The following CENPW variants were observed in gnomAD, a reference collection of about 807,000 sequenced individuals.
The protein encoded by CENPW is cancer-up-regulated gene 2 protein.
In CENPW, 3 loss-of-function variants were observed where a neutral mutation model predicts 11.1. That is an observed-to-expected ratio of 0.27 (90% CI 0.12 to 0.70). CENPW has a LOEUF of 0.70. Among genes scored for constraint, CENPW ranks in the 30% least tolerant of loss-of-function variants. The pLI is 0.77. For synonymous variants in CENPW, 38 were observed against 42.0 expected (o/e 0.91, Z 0.37); for missense variants, 100 against 105.6 (o/e 0.95, Z 0.23).
At chr6:126,382,403 C>G in the CENPW span, among the ~76,000 whole-genome samples, 1 of 152,120 alleles carries the variant, frequency 6.6e-6, no homozygotes, top group Admixed American at 6.6e-5. Flanking sequence ...TTCCTCCAAA[C>G]AATTGCACTA....
chr6:126,401,102 T>A, the CENPW span, among the ~76,000 whole-genome samples: 1 of 152,154 alleles, frequency 6.6e-6, no homozygotes, highest in Non-Finnish European at 1.5e-5. Context: ...GTCCCCCAAT[T>A]TTTGTCTGAT....
At chr6:126,467,671 A>T in the CENPW span, among the ~76,000 whole-genome samples, 1 of 152,132 alleles carries the variant, frequency 6.6e-6, no homozygotes, top group Admixed American at 6.6e-5. Context: ...AGATGAGACA[A>T]ATCTCCCAGA....
chr6:126,458,506 A>G, the CENPW span, among the ~76,000 whole-genome samples: 1 of 151,350 alleles, frequency 6.6e-6, no homozygotes, highest in Admixed American at 6.6e-5. Flanking sequence ...ATTTATTAGC[A>G]TCGATGCTTT....
the CENPW span, among the ~76,000 whole-genome samples, chr6:126,456,312 G>C: frequency 2.6e-5 from 4 of 151,352 alleles, no homozygotes; most frequent in Non-Finnish European, 4.4e-5. Flanking sequence ...TATACTGCAA[G>C]GCTACAGTAA....
the CENPW span, among the ~76,000 whole-genome samples, chr6:126,418,927 G>A: frequency 1.8e-5 from 2 of 113,642 alleles, no homozygotes; most frequent in Admixed American, 1.2e-4. Context: ...ACCGGGGCCT[G>A]TTGTGGGGTG....
the CENPW span, among the ~76,000 whole-genome samples, chr6:126,416,077 C>T: frequency 6.6e-6 from 1 of 152,148 alleles, no homozygotes; most frequent in Non-Finnish European, 1.5e-5. Flanking sequence ...GACCAATATG[C>T]TGATAATGAT....
the CENPW span, among the ~76,000 whole-genome samples, chr6:126,422,848 C>T: frequency 6.6e-6 from 1 of 152,070 alleles, no homozygotes; most frequent in Non-Finnish European, 1.5e-5. Flanking sequence ...TACTTAACAA[C>T]AGGAGTCTTA....
the CENPW span, among the ~76,000 whole-genome samples, chr6:126,393,522 T>G: frequency 1.3e-5 from 2 of 151,632 alleles, no homozygotes; most frequent in East Asian, 1.9e-4. Context: ...ATTTCTTTCT[T>G]AATTCCTTCA....
chr6:126,345,231 A>T (rs1780385659), intron 1 of CENPW, among the ~76,000 whole-genome samples: 1 of 151,960 alleles, frequency 6.6e-6, no homozygotes, highest in Non-Finnish European at 1.5e-5. Flanking sequence ...GTGTTATTTT[A>T]TATGACATAT....
the CENPW span, among the ~76,000 whole-genome samples, chr6:126,381,916 G>A: frequency 6.6e-6 from 1 of 152,090 alleles, no homozygotes. Flanking sequence ...TTCCAGAAAT[G>A]AAGCCAGTCG....
chr6:126,349,173 T>C (rs1780462489), downstream of CENPW, among the ~76,000 whole-genome samples: 1 of 152,116 alleles, frequency 6.6e-6, no homozygotes, highest in Non-Finnish European at 1.5e-5. Context: ...ACTTTTAACT[T>C]TTTATTTAGA....
the CENPW span, among the ~76,000 whole-genome samples, chr6:126,372,794 A>G: frequency 1.3e-5 from 2 of 152,204 alleles, no homozygotes; most frequent in African/African-American, 4.8e-5. Flanking sequence ...AAAAACAGCA[A>G]TAAACTTGCT....
At chr6:126,351,864 A>G (rs773170265), downstream of CENPW, among the ~76,000 whole-genome samples, 2 of 152,020 alleles carry the variant, frequency 1.3e-5, no homozygotes, top group Non-Finnish European at 2.9e-5. Flanking sequence ...CTTCTTCCTC[A>G]GTATTTTAAT....
chr6:126,401,054 T>C, the CENPW span, among the ~76,000 whole-genome samples: 2 of 152,120 alleles, frequency 1.3e-5, no homozygotes, highest in African/African-American at 4.8e-5. Context: ...TGTTGATTGC[T>C]TCATCTCTTT....
the CENPW span, among the ~76,000 whole-genome samples, chr6:126,382,216 G>GC: frequency 1.4e-3 from 206 of 151,980 alleles, no homozygotes; most frequent in Non-Finnish European, 1.0e-3. Context: ...CAGCCTGGGT[G>GC]ACGAGCGAAA....
At chr6:126,353,559 T>A (rs986605051), downstream of CENPW, among the ~76,000 whole-genome samples, 2 of 152,052 alleles carry the variant, frequency 1.3e-5, no homozygotes, top group African/African-American at 4.8e-5. Context: ...GTCTTTTTTG[T>A]TGTTGTTTCC....
the CENPW span, among the ~76,000 whole-genome samples, chr6:126,396,816 C>T: frequency 6.6e-6 from 1 of 151,978 alleles, no homozygotes; most frequent in Non-Finnish European, 1.5e-5. Context: ...AACAGGTTTC[C>T]TTCTGGCCCA....
At chr6:126,453,999 G>GA in the CENPW span, among the ~76,000 whole-genome samples, 70 of 151,456 alleles carry the variant, frequency 4.6e-4, 1 homozygote, top group Middle Eastern at 3.4e-3. Context: ...ATGGTAAAGG[G>GA]TTCAATTCAA....
At chr6:126,401,781 G>A in the CENPW span, among the ~76,000 whole-genome samples, 1 of 151,996 alleles carries the variant, frequency 6.6e-6, no homozygotes, top group Admixed American at 6.6e-5. Flanking sequence ...CCCTCACTAT[G>A]TCCTGTTTTT....
Sources: allele counts gnomAD v4.1 joint callset (sites outside exome capture counted in the v4.1 genomes callset), GRCh38; gene constraint gnomAD v4.1.1; transcripts MANE v1.5; gene names NCBI Gene and HGNC (gene_info 2026-07-23, HGNC 2026-07-21).